TMEM260: variants seen among roughly 807,000 people sequenced by gnomAD.
The protein encoded by TMEM260 is transmembrane protein 260.
Under a neutral mutation model 88.9 loss-of-function variants are expected in TMEM260, and 82 were observed. That is an observed-to-expected ratio of 0.92 (90% CI 0.77 to 1.11). The LOEUF is 1.11. Among genes scored for constraint, TMEM260 ranks in the 50% least tolerant of loss-of-function variants. TMEM260 has a pLI of 0.00. For synonymous variants in TMEM260, 314 were observed against 309.3 expected, an observed-to-expected ratio of 1.02 and a Z score of -0.16; for missense variants, 902 against 853.4, an observed-to-expected ratio of 1.06 and a Z score of -0.71.
intron 3 of TMEM260, among the ~76,000 whole-genome samples, chr14:56,590,321 G>A (rs1164218222): frequency 1.3e-5 from 2 of 152,226 alleles, no homozygotes; most frequent in Non-Finnish European, 2.9e-5. Flanking sequence ...GCTAGTCAGA[G>A]TTAGAATTAG....
At chr14:56,583,971 A>C (rs1011493825) in intron 1 of TMEM260, among the ~76,000 whole-genome samples, 2 of 150,516 alleles carry the variant, frequency 1.3e-5, no homozygotes, top group African/African-American at 4.9e-5. Context: ...ATTTTAGACT[A>C]GGGATGCAAT....
intron 15 of TMEM260, among the ~76,000 whole-genome samples, chr14:56,645,279 G>A (rs1288212970): frequency 1.3e-5 from 2 of 151,510 alleles, no homozygotes; most frequent in Admixed American, 6.6e-5. Context: ...TTAAGAAAAT[G>A]TGGCACATAT....
At chr14:56,661,344 C>A in the TMEM260 span, among the ~76,000 whole-genome samples, 1 of 152,192 alleles carries the variant, frequency 6.6e-6, no homozygotes, top group African/African-American at 2.4e-5. Flanking sequence ...ACAAAGCCTG[C>A]TTCTGGGTAG....
At chr14:56,619,015 T>G (rs1887752374) in intron 10 of TMEM260, among the ~76,000 whole-genome samples, 1 of 152,166 alleles carries the variant, frequency 6.6e-6, no homozygotes. Flanking sequence ...TCTTTTTCTC[T>G]TAAGAACCCA....
At chr14:56,635,417 A>ATGACACAGTTCCTACCCTC (rs1345186223) in intron 14 of TMEM260, among the ~76,000 whole-genome samples, 1 of 152,232 alleles carries the variant, frequency 6.6e-6, no homozygotes. Context: ...ACATATGAAT[A>ATGACACAGTTCCTACCCTC]TGACACAGTT....
rs573387845 is a variant in TMEM260 at position 56,618,990 on chromosome 14, T to A, written c.1226+227T>A. 4.6e-5 allele frequency among the ~76,000 whole-genome samples: 7 copies of A among 152,328 alleles called. No homozygotes were observed. In the South Asian group the frequency reaches 1.4e-3, roughly 32 times the overall value. On this transcript the variant is annotated intron_variant, in intron 10 of 15. Transcript: ENST00000261556. The stretch of plus-strand genomic sequence containing the variant: ...TGCAAACAAGGGTTTAGGTGGTGCG[T>A]GTAGACAATTTGTATCTTTTTCTCT...
intron 5 of TMEM260, among the ~76,000 whole-genome samples, chr14:56,606,899 AAAAT>A (rs547579931): frequency 2.0e-5 from 3 of 152,160 alleles, no homozygotes; most frequent in Admixed American, 6.5e-5. Context: ...CGTCTCCAAA[AAAAT>A]AAATAAATAA....
intron 13 of TMEM260, 57 bp from the exon 14 acceptor site, chr14:56,634,842 C>CAAAAAAAA: frequency 7.5e-7 from 1 of 1,334,790 alleles, no homozygotes; most frequent in Non-Finnish European, 1.0e-6. Flanking sequence ...AATTCTGTCT[C>CAAAAAAAA]AAAAAAAAAA....
In TMEM260 at chr14:56,647,446, A is replaced by G. The variant is rs1566584292; in HGVS notation, c.2073A>G (p.Leu691=). The change falls in exon 16 of 16, where the codon CTA becomes CTG. Residue 691 remains leucine (L), a synonymous_variant. Coordinates refer to ENST00000261556, the MANE Select transcript of TMEM260 (RefSeq NM_017799.4). The stretch of plus-strand genomic sequence containing the variant: ...AGCAAGCTGATATTTTAGGTGCTCT[A>G]AAGCACCTAAGAAAAGAACTGCAAA... ...DPQQADILGA[L]KHLRKELQSL... The G allele has an allele frequency of 6.2e-7, 1 of 1,613,736 alleles. No individual in the cohort carries two copies. The highest frequency in any genetic ancestry group is 1.7e-5 in the Admixed American group (1 of 59,904).
rs112973567 is a variant in TMEM260, at chr14:56,621,423, A to G, written c.1227-108A>G. On this transcript the variant is annotated intron_variant, in intron 10 of 15. Coordinates refer to ENST00000261556, the MANE Select transcript of TMEM260 (RefSeq NM_017799.4). ...TTATTTTAGAATGTATTGAAACACT[A>G]AATGTTGATTGTATGATGGGAAAAG... 344 of 758,146 alleles carry G rather than the reference A, an allele frequency of 4.5e-4. 5 individuals carry two copies. In the African/African-American group the frequency reaches 5.4e-3, roughly 12 times the overall value. The allele number at this position is 758,146 out of a possible 1,614,324, so 47.0% of individuals were successfully genotyped here. A position where few individuals can be genotyped will look rare whatever the true frequency, so the allele number is the denominator to read the frequency against.
At chr14:56,618,403 G>A (rs1441311486) in intron 9 of TMEM260, among the ~76,000 whole-genome samples, 191 bp from the exon 10 acceptor site, 1 of 152,152 alleles carries the variant, frequency 6.6e-6, no homozygotes, top group East Asian at 1.9e-4. Flanking sequence ...TGTCAAACTG[G>A]GAAGGAAGAA....
chr14:56,607,951 C>T (rs1887017361), intron 5 of TMEM260, among the ~76,000 whole-genome samples: 1 of 152,170 alleles, frequency 6.6e-6, no homozygotes. Flanking sequence ...TCTTACCATT[C>T]TAAATTCAAC....
rs181206219 is a variant in TMEM260 at position 56,648,066 on chromosome 14, G to A, written c.*569G>A. On this transcript the variant is annotated 3_prime_UTR_variant, in exon 16 of 16. Coordinates refer to ENST00000261556, the MANE Select transcript of TMEM260 (RefSeq NM_017799.4). ...AGTTTGTGTTTTACTGTCTTAGATC[G>A]TTCTTGGAAATCACTAAAAAAAAAA... The A allele has an allele frequency of 4.0e-5, 6 of 151,246 alleles. No individual in the cohort carries two copies. The highest frequency in any genetic ancestry group is 5.9e-5 in the Non-Finnish European group (4 of 67,880). The allele number at this position is 151,246 out of a possible 1,614,324, so 9.4% of individuals were successfully genotyped here. A position where few individuals can be genotyped will look rare whatever the true frequency, so the allele number is the denominator to read the frequency against.
intron 12 of TMEM260, among the ~76,000 whole-genome samples, chr14:56,632,445 C>T (rs1888682928): frequency 6.6e-6 from 1 of 152,140 alleles, no homozygotes; most frequent in African/African-American, 2.4e-5. Flanking sequence ...CCGCTAATGC[C>T]ACGATGTTGC....
the TMEM260 span, among the ~76,000 whole-genome samples, chr14:56,661,523 G>A: frequency 2.9e-5 from 4 of 138,432 alleles, no homozygotes; most frequent in Non-Finnish European, 6.2e-5. Context: ...AGGAAGGGAG[G>A]GAAGGAGGAA....
At chr14:56,595,176 G>A (rs528974128) in intron 3 of TMEM260, among the ~76,000 whole-genome samples, 8 of 152,168 alleles carry the variant, frequency 5.3e-5, no homozygotes, top group Non-Finnish European at 1.0e-4. Flanking sequence ...ATCTCTCTTA[G>A]CAAGTGTAAG....
the TMEM260 span, among the ~76,000 whole-genome samples, chr14:56,658,244 A>T: frequency 2.0e-5 from 3 of 151,778 alleles, no homozygotes; most frequent in African/African-American, 4.9e-5. Context: ...TCTCAATTTA[A>T]TTTTTTTGTT....
At chr14:56,580,942 G>A (rs1435649533) in intron 1 of TMEM260, among the ~76,000 whole-genome samples, 4 of 152,166 alleles carry the variant, frequency 2.6e-5, no homozygotes, top group African/African-American at 9.7e-5. Context: ...AACAGCAAAC[G>A]TTTATCGTCT....
intron 5 of TMEM260, among the ~76,000 whole-genome samples, chr14:56,607,876 A>G (rs748812182): frequency 1.3e-5 from 2 of 152,186 alleles, no homozygotes; most frequent in Non-Finnish European, 2.9e-5. Flanking sequence ...CAACTCTGCA[A>G]TAGCTCTCAT....
Sources: allele counts gnomAD v4.1 joint callset (sites outside exome capture counted in the v4.1 genomes callset), GRCh38; gene constraint gnomAD v4.1.1; transcripts MANE v1.5; gene names NCBI Gene and HGNC (gene_info 2026-07-23, HGNC 2026-07-21).